RPUSD2: variants seen among roughly 807,000 people sequenced by gnomAD.
RPUSD2 encodes the protein RNA pseudouridine synthase domain containing 2, also known as pseudouridylate synthase RPUSD2.
Under a neutral mutation model 41.5 loss-of-function variants are expected in RPUSD2, and 31 were observed. The ratio of observed to expected loss-of-function variants is 0.75; its 90% CI spans 0.56 to 1.01. The LOEUF (loss-of-function observed/expected upper bound fraction) is 1.01, where lower values mean the gene tolerates loss of function less well. Among genes scored for constraint, RPUSD2 ranks in the 50% least tolerant of loss-of-function variants. The pLI is 0.00. For synonymous variants in RPUSD2, 305 were observed against 289.7 expected (o/e 1.05, Z -0.54); for missense variants, 749 against 724.7 (o/e 1.03, Z -0.38).
In RPUSD2 at chr15:40,571,709, C is replaced by G. The variant is rs140902301; in HGVS notation, c.712C>G (p.Pro238Ala). The change falls in exon 2 of 3, where the codon CCT becomes GCT. Residue 238 changes from proline to alanine, a missense_variant. Pro to Ala is a conservative substitution (Grantham distance 27, BLOSUM62 -1). Transcript: ENST00000315616. ...CGAAGATGTGGTGGTTGTAGACAAG[C>G]CTTCCTCCATTCCCGTTCACCCCTG... ...ENEDVVVVDK[P>A]SSIPVHPCGR... is the part of the protein sequence containing the mutation. 3.1e-6 allele frequency: 5 copies of G among 1,614,256 alleles called. No individual in the cohort carries two copies. The highest frequency in any genetic ancestry group is 1.7e-5 in the Admixed American group (1 of 60,032).
chr15:40,571,403 G>C (rs534554610), intron 1 of RPUSD2, among the ~76,000 whole-genome samples: 2 of 152,224 alleles, frequency 1.3e-5, no homozygotes, highest in Admixed American at 1.3e-4. Context: ...TGTCCTTCCA[G>C]TACTTTTTCA....
intron 1 of RPUSD2, 79 bp downstream of exon 1, chr15:40,570,022 T>G (rs2141672414): frequency 1.4e-6 from 2 of 1,434,108 alleles, no homozygotes; most frequent in Non-Finnish European, 1.8e-6. Flanking sequence ...TGTTTTTTAG[T>G]CTTAGTAAAG....
At position 40,571,879 on chromosome 15, in the gene RPUSD2, C is replaced by G; in HGVS notation, c.882C>G (p.His294Gln). 3 of 1,613,840 alleles carry G rather than the reference C, an allele frequency of 1.9e-6. No homozygotes were observed. Among genetic ancestry groups the G allele is most frequent in the Non-Finnish European group, 2.5e-6 (3 of 1,179,820 alleles). The change falls in exon 2 of 3, where the codon CAC (histidine) becomes CAG (glutamine). Residue 294 changes from histidine to glutamine, a missense_variant. Transcript: ENST00000315616. ...CAGCTGCAGTCTCTGAGAGAATTCA[C>G]GAGCAGGTTCGGGACCGGCAGGTGA... ...AKTAAVSERI[H>Q]EQVRDRQLEK... is the part of the protein sequence containing the mutation.
Position 40,571,657 on chromosome 15 carries a change from A to G in RPUSD2, c.660A>G (p.Ala220=), listed in dbSNP as rs1056836104. The G allele has an allele frequency of 6.2e-7, 1 of 1,614,192 alleles. No homozygotes were observed. Among genetic ancestry groups the G allele is most frequent in the Non-Finnish European group, 8.5e-7 (1 of 1,179,986 alleles). The change falls in exon 2 of 3, where the codon GCA becomes GCG. Residue 220 remains alanine (A), a synonymous_variant. Transcript: ENST00000315616. Reference sequence around the variant, plus strand: ...ACAGGCATGAGCCACCAGTCACAGCAGAGCCCATTCGCCTGCTAGCTGAGA... The same window carrying G: ...ACAGGCATGAGCCACCAGTCACAGCGGAGCCCATTCGCCTGCTAGCTGAGA... ...TVHRHEPPVT[A]EPIRLLAENE...
chr15:40,572,116 T>C (rs1891155083), intron 2 of RPUSD2, among the ~76,000 whole-genome samples: 1 of 152,166 alleles, frequency 6.6e-6, no homozygotes, highest in African/African-American at 2.4e-5. Context: ...CTGCCTCTCT[T>C]AGTAGTTTGC....
chr15:40,570,147 C>T (rs1891108506), intron 1 of RPUSD2: 2 of 624,798 alleles, frequency 3.2e-6, no homozygotes, highest in Non-Finnish European at 5.2e-6. Flanking sequence ...TGCTTCAGGA[C>T]TCAGCCTGTT....
Position 40,569,890 on chromosome 15 carries a change from G to A in RPUSD2, c.553G>A (p.Gly185Ser), listed in dbSNP as rs769771889. Residue 185 changes from glycine (G) to serine (S), a missense_variant, in exon 1 of 3, where the codon GGC (glycine) becomes AGC (serine). Coordinates refer to ENST00000315616, the MANE Select transcript of RPUSD2 (RefSeq NM_152260.3). Reference sequence around the variant, plus strand: ...CTACTATGAGGCCGCGGTCCGGGCGGGCCGCCTGCAACTCAACGAGAAGCC... The same window carrying A: ...CTACTATGAGGCCGCGGTCCGGGCGAGCCGCCTGCAACTCAACGAGAAGCC... ...LAYYEAAVRA[G>S]RLQLNEKPVQ... The A allele has an allele frequency of 6.3e-7, 1 of 1,581,998 alleles. No individual in the cohort carries two copies. The highest frequency in any genetic ancestry group is 1.8e-5 in the Admixed American group (1 of 54,810).
In RPUSD2 at chr15:40,569,742, C is replaced by T. The variant is rs751694211; in HGVS notation, c.405C>T (p.Phe135=). 1.9e-6 allele frequency: 3 copies of T among 1,602,288 alleles called. No homozygotes were observed. The highest frequency in any genetic ancestry group is 1.3e-5 in the African/African-American group (1 of 74,964). ...ACTTTGCAGAAACCAGTTATTACTT[C>T]GAGGGCGGCCTGCGTAAGGTGCGGC... ...DEHFAETSYY[F]EGGLRKVRPY... Residue 135 remains phenylalanine (F), a synonymous_variant, in exon 1 of 3, where the codon TTC becomes TTT. Coordinates refer to ENST00000315616, the MANE Select transcript of RPUSD2 (RefSeq NM_152260.3).
chr15:40,574,418 T>G lies in RPUSD2; in HGVS notation c.*157T>G, dbSNP rs954332567. ...ACTTGCTACCTCCTTCCAGTGGGAATTTGGAGACTTTTTGGTTTGTAAATA... is the reference window on the plus strand; with the variant it reads ...ACTTGCTACCTCCTTCCAGTGGGAAGTTGGAGACTTTTTGGTTTGTAAATA... On this transcript the variant is annotated 3_prime_UTR_variant, in exon 3 of 3. Transcript: ENST00000315616. 6.2e-6 allele frequency: 5 copies of G among 800,962 alleles called. No homozygotes were observed. The highest frequency in any genetic ancestry group is 7.5e-6 in the Non-Finnish European group (4 of 532,570). The allele number at this position is 800,962 out of a possible 1,614,324, so 49.6% of individuals were successfully genotyped here. A position where few individuals can be genotyped will look rare whatever the true frequency, so the allele number is the denominator to read the frequency against.
rs79393589 is a variant in RPUSD2 at position 40,569,313 on chromosome 15, G to A, written c.-25G>A. 7,947 of 1,436,810 alleles carry A rather than the reference G, an allele frequency of 5.5e-3. 407 individuals carry two copies. In the African/African-American group the frequency reaches 0.1, roughly 19 times the overall value. 89.0% of individuals were successfully genotyped at this position (1,436,810 alleles called of 1,614,324 possible). A position where few individuals can be genotyped will look rare whatever the true frequency, so the allele number is the denominator to read the frequency against. Reference sequence around the variant, plus strand: ...GTGACGTCCTCAGATCGCGACCCTGGGAGTGGAGTGGGGGCAGCGTGGTTA... The same window carrying A: ...GTGACGTCCTCAGATCGCGACCCTGAGAGTGGAGTGGGGGCAGCGTGGTTA... On this transcript the variant is annotated 5_prime_UTR_variant, in exon 1 of 3. Coordinates refer to ENST00000315616, the MANE Select transcript of RPUSD2 (RefSeq NM_152260.3).
At position 40,571,760 on chromosome 15, in the gene RPUSD2, A is replaced by G; in HGVS notation, c.763A>G (p.Ile255Val). The change falls in exon 2 of 3, where the codon ATC becomes GTC. Residue 255 changes from isoleucine (I) to valine (V), a missense_variant. By Grantham distance (29) the Ile-to-Val change is conservative. Transcript: ENST00000315616. Reference protein sequence around the residue: ...PCGRFRHNTVIFILGKEHQLK... With the variant: ...PCGRFRHNTVVFILGKEHQLK... ...TGGCCGCTTCCGACACAACACAGTT[A>G]TCTTCATCCTAGGCAAGGAGCACCA... The G allele has an allele frequency of 6.2e-7, 1 of 1,614,254 alleles. No individual in the cohort carries two copies. The highest frequency in any genetic ancestry group is 1.1e-5 in the South Asian group (1 of 91,086).
intron 1 of RPUSD2, among the ~76,000 whole-genome samples, chr15:40,571,069 T>C (rs1463475997): frequency 6.6e-6 from 1 of 152,054 alleles, no homozygotes. Flanking sequence ...CTCGGCTCAC[T>C]GCAACCTCCG....
intron 1 of RPUSD2, among the ~76,000 whole-genome samples, chr15:40,570,994 TTA>T (rs1891124427): frequency 6.8e-6 from 1 of 148,010 alleles, no homozygotes; most frequent in African/African-American, 2.7e-5. Flanking sequence ...CCTTGATTAT[TTA>T]TTTTTTTTTT....
Position 40,573,967 on chromosome 15 carries a change from G to A in RPUSD2, c.1344G>A (p.Glu448=). Residue 448 remains glutamate, a synonymous_variant, in exon 3 of 3, where the codon GAG becomes GAA. Coordinates refer to ENST00000315616, the MANE Select transcript of RPUSD2 (RefSeq NM_152260.3). ...GLTDSTAPSS[E]LGKDDLEELA... ...CAGACTCTACGGCCCCCTCCTCAGA[G>A]TTGGGCAAGGACGACCTGGAAGAGT... 6.2e-7 allele frequency: 1 copy of A among 1,614,178 alleles called. No homozygotes were observed. Among genetic ancestry groups the A allele is most frequent in the African/African-American group, 1.3e-5 (1 of 75,056 alleles).
chr15:40,571,062 G>A (rs187729074), intron 1 of RPUSD2, among the ~76,000 whole-genome samples: 1,681 of 151,220 alleles, frequency 0.011, 9 homozygotes, highest in Non-Finnish European at 0.015. Context: ...GCGCGATCTC[G>A]GCTCACTGCA....
Position 40,574,399 on chromosome 15 carries a change from T to A in RPUSD2, c.*138T>A, listed in dbSNP as rs976752855. 4 of 988,890 alleles carry A rather than the reference T, an allele frequency of 4.0e-6. No individual in the cohort carries two copies. Among genetic ancestry groups the A allele is most frequent in the Admixed American group, 5.2e-5 (2 of 38,620 alleles). The allele number at this position is 988,890 out of a possible 1,614,324, so 61.3% of individuals were successfully genotyped here. On this transcript the variant is annotated 3_prime_UTR_variant, in exon 3 of 3. Coordinates refer to ENST00000315616, the MANE Select transcript of RPUSD2 (RefSeq NM_152260.3). Reference sequence around the variant, plus strand: ...TCTAAAGAGACCTGCTCATACTTGCTACCTCCTTCCAGTGGGAATTTGGAG... The same window carrying A: ...TCTAAAGAGACCTGCTCATACTTGCAACCTCCTTCCAGTGGGAATTTGGAG...
At chr15:40,571,090 T>G (rs1891127559) in intron 1 of RPUSD2, among the ~76,000 whole-genome samples, 1 of 152,112 alleles carries the variant, frequency 6.6e-6, no homozygotes, top group South Asian at 2.1e-4. Flanking sequence ...CCTCCCAGGT[T>G]CAAGCGATTC....
chr15:40,570,284 A>C (rs1771697259), intron 1 of RPUSD2, among the ~76,000 whole-genome samples: 1 of 149,994 alleles, frequency 6.7e-6, no homozygotes, highest in Admixed American at 6.6e-5. Flanking sequence ...ATCTCTGTGC[A>C]AATAGTAATA....
In RPUSD2 at chr15:40,571,690, TGTG is replaced by T. The variant is rs746888413; in HGVS notation, c.699_701del (p.Val235del). 1.4e-4 allele frequency: 224 copies of T among 1,614,102 alleles called. No homozygotes were observed. Among genetic ancestry groups the T allele is most frequent in the Non-Finnish European group, 1.8e-4 (218 of 1,180,042 alleles). ...TTCGCCTGCTAGCTGAGAACGAAGA[TGTG>T]GTGGTTGTAGACAAGCCTTCCTCCA... On this transcript the variant is annotated inframe_deletion, in exon 2 of 3. Transcript: ENST00000315616.
Sources: gnomAD v4.1 joint callset for allele counts (sites outside exome capture counted in the v4.1 genomes callset) on GRCh38, gnomAD v4.1.1 for gene constraint, MANE v1.5 for transcripts, NCBI Gene and HGNC (gene_info 2026-07-23, HGNC 2026-07-21) for gene names.